CAPN13: variants seen among roughly 807,000 people sequenced by gnomAD.
The protein encoded by CAPN13 is calpain-13.
CAPN13 carries 90 observed loss-of-function variants against 98.4 expected under a neutral mutation model. The observed-to-expected ratio is 0.92, with a 90% CI of 0.77 to 1.09. CAPN13 has a LOEUF of 1.09. CAPN13 is among the 50% of genes least tolerant of loss of function. CAPN13 has a pLI of 0.00. For missense variants in CAPN13, 887 were observed against 841.3 expected, an observed-to-expected ratio of 1.05 and a Z score of -0.67; for synonymous variants, 330 against 305.5, an observed-to-expected ratio of 1.08 and a Z score of -0.84.
chr2:30,745,659 T>A, intron 12 of CAPN13, 64 bp downstream of exon 12: 8 of 1,566,474 alleles, frequency 5.1e-6, no homozygotes, highest in Non-Finnish European at 6.9e-6. Context: ...GCGTTGGAAG[T>A]GGCCTAACAC....
chr2:30,802,542 TGGGGG>T (rs56730178), intron 1 of CAPN13, among the ~76,000 whole-genome samples: 1 of 114,568 alleles, frequency 8.7e-6, no homozygotes, highest in African/African-American at 3.3e-5. Context: ...AAAGGCAGGC[TGGGGG>T]GGGGGGGTGG....
At chr2:30,764,910 A>T (rs149802405) in intron 5 of CAPN13, among the ~76,000 whole-genome samples, 1 of 152,136 alleles carries the variant, frequency 6.6e-6, no homozygotes, top group South Asian at 2.1e-4. Context: ...CAGAATTCCC[A>T]TTCCCAGAGT....
intron 2 of CAPN13, among the ~76,000 whole-genome samples, chr2:30,778,680 C>T (rs1430895924): frequency 1.3e-5 from 2 of 152,178 alleles, no homozygotes; most frequent in African/African-American, 4.8e-5. Context: ...AAGAGATGCA[C>T]ACTAAGGGGA....
intron 22 of CAPN13, among the ~76,000 whole-genome samples, chr2:30,728,705 C>T (rs756940361): frequency 6.6e-6 from 1 of 152,042 alleles, no homozygotes; most frequent in African/African-American, 2.4e-5. Context: ...GACATTGAAG[C>T]GTTTTTAAGC....
chr2:30,742,080 G>C (rs1225031803), intron 14 of CAPN13, 116 bp from the exon 15 acceptor site: 10 of 1,042,306 alleles, frequency 9.6e-6, no homozygotes, highest in Non-Finnish European at 1.4e-5. Context: ...TTATTGGGCA[G>C]TTGGAAAAAG....
chr2:30,767,450 C>T (rs761340088), intron 5 of CAPN13, among the ~76,000 whole-genome samples: 3 of 152,126 alleles, frequency 2.0e-5, no homozygotes, highest in Non-Finnish European at 4.4e-5. Context: ...AAAATGGGGT[C>T]AAAGTCATCA....
intron 1 of CAPN13, among the ~76,000 whole-genome samples, chr2:30,791,502 AT>A: frequency 6.6e-6 from 1 of 152,374 alleles, no homozygotes; most frequent in South Asian, 2.1e-4. Flanking sequence ...AGATGAAATT[AT>A]TTTGGAAAAC....
At chr2:30,779,723 CAA>C (rs1185675142) in intron 2 of CAPN13, among the ~76,000 whole-genome samples, 3 of 151,584 alleles carry the variant, frequency 2.0e-5, no homozygotes, top group African/African-American at 7.3e-5. Context: ...AAGAAAAAGA[CAA>C]AAAGAGCCTC....
chr2:30,757,446 C>T (rs1672510422), intron 8 of CAPN13, among the ~76,000 whole-genome samples: 1 of 152,226 alleles, frequency 6.6e-6, no homozygotes, highest in Non-Finnish European at 1.5e-5. Context: ...TGGGCAGGCA[C>T]AGCTTTTCAT....
rs556669426 is a variant in CAPN13 at position 30,741,078 on chromosome 2, T to G, written c.1536+830A>C. Among the ~76,000 whole-genome samples, 16 of 152,282 alleles carry G rather than the reference T, an allele frequency of 1.1e-4. No individual in the cohort carries two copies. In the East Asian group the frequency reaches 3.1e-3, roughly 29 times the overall value. Reference sequence around the variant, plus strand: ...CGGCCTTGTCATGCAGTGAGTGAAGTGCCTCCTGAATCAGCCCAGATGGTG... The same window carrying G: ...CGGCCTTGTCATGCAGTGAGTGAAGGGCCTCCTGAATCAGCCCAGATGGTG... On this transcript the variant is annotated intron_variant, in intron 15 of 22. Coordinates refer to ENST00000295055, the MANE Select transcript of CAPN13 (RefSeq NM_144575.3).
intron 1 of CAPN13, among the ~76,000 whole-genome samples, chr2:30,801,217 C>T (rs1675251093): frequency 6.6e-6 from 1 of 152,096 alleles, no homozygotes; most frequent in Non-Finnish European, 1.5e-5. Context: ...ATTTTTAAGG[C>T]TCTTTGGAAG....
At chr2:30,784,306 A>T (rs917323797) in intron 2 of CAPN13, among the ~76,000 whole-genome samples, 1 of 152,214 alleles carries the variant, frequency 6.6e-6, no homozygotes, top group Admixed American at 6.5e-5. Flanking sequence ...CAAGGACTGA[A>T]GCTGAGATGG....
intron 22 of CAPN13, among the ~76,000 whole-genome samples, chr2:30,728,399 G>T (rs553486157): frequency 7.2e-5 from 11 of 152,130 alleles, no homozygotes; most frequent in South Asian, 4.2e-4. Flanking sequence ...ACTGGGGAGG[G>T]GTGATATGTG....
intron 5 of CAPN13, among the ~76,000 whole-genome samples, chr2:30,765,554 G>A (rs1312734569): frequency 6.6e-6 from 1 of 152,182 alleles, no homozygotes; most frequent in Non-Finnish European, 1.5e-5. Flanking sequence ...CTTCCACACT[G>A]GACAAGACCC....
At chr2:30,770,263 C>T (rs1441972792) in intron 5 of CAPN13, 50 bp downstream of exon 5, 6 of 1,596,446 alleles carry the variant, frequency 3.8e-6, no homozygotes, top group Non-Finnish European at 5.1e-6. Context: ...TCCGGGTAGG[C>T]AGGACCAGCA....
chr2:30,754,121 A>G (rs1173314732), intron 9 of CAPN13, among the ~76,000 whole-genome samples, 169 bp downstream of exon 9: 1 of 152,224 alleles, frequency 6.6e-6, no homozygotes, highest in Non-Finnish European at 1.5e-5. Flanking sequence ...GGAGCCTACA[A>G]TAATTTTTCA....
In CAPN13 at chr2:30,738,240, T is replaced by A. The variant is rs1671474021; in HGVS notation, c.1648A>T (p.Met550Leu). 6.2e-7 allele frequency: 1 copy of A among 1,613,738 alleles called. No homozygotes were observed. Among genetic ancestry groups the A allele is most frequent in the African/African-American group, 1.3e-5 (1 of 74,876 alleles). ...GGGATGACCGCAAAGGATACTTCCA[T>A]CAGAGCCACCAAGCTGCGGCACTCA... ...LDECRSLVAL[M>L]ELKVNGRLDQ... Residue 550 changes from methionine (M) to leucine (L), a missense_variant, in exon 17 of 23, where the codon ATG becomes TTG. Met to Leu is a conservative substitution (Grantham distance 15). Coordinates refer to ENST00000295055, the MANE Select transcript of CAPN13 (RefSeq NM_144575.3).
At chr2:30,793,771 A>G (rs554730059) in intron 1 of CAPN13, among the ~76,000 whole-genome samples, 3 of 152,010 alleles carry the variant, frequency 2.0e-5, no homozygotes, top group Non-Finnish European at 4.4e-5. Context: ...AGAATAAATC[A>G]ACACATATAT....
At chr2:30,750,879 G>C (rs944024758) in intron 11 of CAPN13, among the ~76,000 whole-genome samples, 1 of 152,196 alleles carries the variant, frequency 6.6e-6, no homozygotes, top group Non-Finnish European at 1.5e-5. Flanking sequence ...CAGGCGACAC[G>C]GGCAGGAGGT....
Sources: gnomAD v4.1 joint callset for allele counts (sites outside exome capture counted in the v4.1 genomes callset) on GRCh38, gnomAD v4.1.1 for gene constraint, MANE v1.5 for transcripts, NCBI Gene and HGNC (gene_info 2026-07-23, HGNC 2026-07-21) for gene names.